The following ANKS1B variants were observed in gnomAD, a reference collection of about 807,000 sequenced individuals.
The protein encoded by ANKS1B is ankyrin repeat and sterile alpha motif domain containing 1B, also known as ankyrin repeat and sterile alpha motif domain-containing protein 1B.
A neutral mutation model predicts 148.3 loss-of-function variants in ANKS1B; 36 were observed. The observed-to-expected ratio is 0.24, with a 90% CI of 0.19 to 0.32. ANKS1B has a LOEUF of 0.32. ANKS1B is among the 10% of genes least tolerant of loss of function. The pLI is 1.00. For synonymous variants in ANKS1B, 542 were observed against 560.8 expected (o/e 0.97, Z 0.47); for missense variants, 1,157 against 1,542.6 (o/e 0.75, Z 4.19).
chr12:99,921,317 G>A (rs768579004), intron 1 of ANKS1B, among the ~76,000 whole-genome samples: 22 of 152,086 alleles, frequency 1.4e-4, no homozygotes, highest in Middle Eastern at 6.8e-3. Context: ...CTCTCCTGCC[G>A]CCTTGTGAAG....
intron 10 of ANKS1B, among the ~76,000 whole-genome samples, chr12:99,455,879 G>A (rs2095840124): frequency 6.6e-6 from 1 of 152,054 alleles, no homozygotes. Context: ...GGAACTCTAT[G>A]GCCCCACCCA....
chr12:99,897,792 T>C (rs2093435142), intron 1 of ANKS1B, among the ~76,000 whole-genome samples: 1 of 144,962 alleles, frequency 6.9e-6, no homozygotes, highest in Admixed American at 7.0e-5. Flanking sequence ...TAGGTAGGGA[T>C]ATAGAAAGGA....
At chr12:99,361,807 G>A (rs997583007) in intron 12 of ANKS1B, among the ~76,000 whole-genome samples, 1 of 151,920 alleles carries the variant, frequency 6.6e-6, no homozygotes, top group Non-Finnish European at 1.5e-5. Context: ...GCACACTGGG[G>A]GTGGGGGAAA....
intron 12 of ANKS1B, among the ~76,000 whole-genome samples, chr12:99,395,740 A>T (rs2094221722): frequency 6.6e-6 from 1 of 152,166 alleles, no homozygotes; most frequent in African/African-American, 2.4e-5. Flanking sequence ...AGCTTTAATC[A>T]CAATTCAAGC....
At chr12:99,852,436 CA>C (rs576341062) in intron 1 of ANKS1B, among the ~76,000 whole-genome samples, 19 of 152,146 alleles carry the variant, frequency 1.2e-4, no homozygotes, top group Non-Finnish European at 2.6e-4. Context: ...GAAAATATTT[CA>C]AAATATTGGA....
In ANKS1B at chr12:99,173,440, T is replaced by G. The variant is rs1044437461; in HGVS notation, c.2420-19045A>C. 4.6e-5 allele frequency among the ~76,000 whole-genome samples: 7 copies of G among 152,312 alleles called. 1 individual carries two copies. The highest frequency in any genetic ancestry group is 3.9e-4 in the Admixed American group (6 of 15,280). On this transcript the variant is annotated intron_variant, in intron 14 of 26. Transcript: ENST00000683438. ...GATAAATTTTCAGAGAATTTGACCCTCAATTCTGTGTGTATTTTTCACACT... is the reference window on the plus strand; with the variant it reads ...GATAAATTTTCAGAGAATTTGACCCGCAATTCTGTGTGTATTTTTCACACT...
intron 12 of ANKS1B, among the ~76,000 whole-genome samples, chr12:99,356,638 C>G (rs541821724): frequency 6.6e-6 from 1 of 152,262 alleles, no homozygotes; most frequent in Non-Finnish European, 1.5e-5. Flanking sequence ...AACTGGTACA[C>G]CAGGTAACCT....
intron 17 of ANKS1B, among the ~76,000 whole-genome samples, chr12:98,906,565 G>T (rs2099779395): frequency 6.6e-6 from 1 of 152,162 alleles, no homozygotes; most frequent in Admixed American, 6.5e-5. Flanking sequence ...GAAAATCATA[G>T]GAAGGGCAAG....
intron 14 of ANKS1B, among the ~76,000 whole-genome samples, chr12:99,201,917 T>G (rs868759904): frequency 1.3e-5 from 1 of 77,832 alleles, no homozygotes. Context: ...GTTGTAATAT[T>G]TGACTTCATT....
chr12:99,261,546 A>G (rs2075924103), intron 12 of ANKS1B, among the ~76,000 whole-genome samples: 1 of 151,672 alleles, frequency 6.6e-6, no homozygotes, highest in South Asian at 2.1e-4. Context: ...TCTCCCCCAC[A>G]CTCCAGACTT....
intron 1 of ANKS1B, among the ~76,000 whole-genome samples, chr12:99,900,923 C>T (rs1777545901): frequency 6.6e-6 from 1 of 152,154 alleles, no homozygotes; most frequent in South Asian, 2.1e-4. Context: ...CAGCATTTTG[C>T]CATTATATAA....
chr12:99,165,705 A>T (rs199546239), intron 14 of ANKS1B, among the ~76,000 whole-genome samples: 1 of 16 alleles, frequency 0.062, no homozygotes, highest in Admixed American at 0.25. Context: ...ACATATAGTG[A>T]AAGAAATAAT....
intron 12 of ANKS1B, among the ~76,000 whole-genome samples, chr12:99,252,007 AT>A (rs1231103812): frequency 1.3e-5 from 2 of 152,192 alleles, no homozygotes; most frequent in African/African-American, 4.8e-5. Context: ...AAATGCTATA[AT>A]TTCTGATGAT....
At chr12:99,160,885 C>T (rs1185818008) in intron 14 of ANKS1B, among the ~76,000 whole-genome samples, 1 of 152,106 alleles carries the variant, frequency 6.6e-6, no homozygotes, top group Non-Finnish European at 1.5e-5. Context: ...CTATTCTCTT[C>T]CATAGGTCTA....
intron 17 of ANKS1B, among the ~76,000 whole-genome samples, chr12:98,910,956 A>G (rs1025326070): frequency 6.6e-6 from 1 of 152,208 alleles, no homozygotes; most frequent in East Asian, 1.9e-4. Flanking sequence ...AAGGCAGGAT[A>G]CTGGCAAAAG....
chr12:99,304,360 G>A (rs540198792), intron 12 of ANKS1B, among the ~76,000 whole-genome samples: 16 of 152,018 alleles, frequency 1.1e-4, no homozygotes, highest in South Asian at 2.1e-4. Context: ...TTCTTAACGC[G>A]GTAGTTCACA....
At chr12:99,462,925 G>C (rs996117260) in intron 10 of ANKS1B, among the ~76,000 whole-genome samples, 5 of 152,104 alleles carry the variant, frequency 3.3e-5, no homozygotes, top group Non-Finnish European at 7.4e-5. Flanking sequence ...TCCACCATGA[G>C]TAAAGGTTCC....
intron 11 of ANKS1B, among the ~76,000 whole-genome samples, chr12:99,409,003 T>C (rs1263133584): frequency 6.6e-6 from 1 of 152,118 alleles, no homozygotes; most frequent in Non-Finnish European, 1.5e-5. Flanking sequence ...GTCACACTGC[T>C]AGGTATATTC....
Position 99,614,263 on chromosome 12 carries a change from C to T in ANKS1B, c.1272+40804G>A, listed in dbSNP as rs558495995. On this transcript the variant is annotated intron_variant, in intron 9 of 26. Transcript: ENST00000683438. ...CAGCCTGGCCAATATGGCAAAACCC[C>T]GTCTCTACCAAAAATACAAAAATTA... 1.5e-3 allele frequency among the ~76,000 whole-genome samples: 225 copies of T among 151,908 alleles called. 1 individual carries two copies. The highest frequency in any genetic ancestry group is 5.1e-3 in the African/African-American group (211 of 41,474).
Sources: gnomAD v4.1 joint callset for allele counts (sites outside exome capture counted in the v4.1 genomes callset) on GRCh38, gnomAD v4.1.1 for gene constraint, MANE v1.5 for transcripts, NCBI Gene and HGNC (gene_info 2026-07-23, HGNC 2026-07-21) for gene names.